The following CTNNA2 variants were observed in gnomAD, a reference collection of about 807,000 sequenced individuals.
CTNNA2 encodes the protein catenin alpha-2.
Under a neutral mutation model 101.0 loss-of-function variants are expected in CTNNA2, and 42 were observed. The observed-to-expected ratio is 0.42, with a 90% CI of 0.32 to 0.54. CTNNA2 has a LOEUF of 0.54. Ranked by LOEUF, CTNNA2 falls within the 20% of genes least tolerant of loss-of-function variation. The pLI, the probability that CTNNA2 is intolerant of heterozygous loss-of-function variation, is 0.14. For synonymous variants in CTNNA2, 450 were observed against 456.4 expected (o/e 0.99, Z 0.18); for missense variants, 871 against 1,223.1 (o/e 0.71, Z 4.29).
intron 8 of CTNNA2, among the ~76,000 whole-genome samples, chr2:80,414,473 G>A (rs556721310): frequency 9.9e-5 from 15 of 151,836 alleles, no homozygotes; most frequent in South Asian, 4.2e-4. Flanking sequence ...TTTTGTTTTC[G>A]GGTCAGTATC....
At chr2:79,687,826 G>A in intron 2 of CTNNA2, 1 of 428,042 alleles carries the variant, frequency 2.3e-6, no homozygotes, top group Non-Finnish European at 4.1e-6. Flanking sequence ...TAGGGTTTCT[G>A]GCAAGCCCTG....
chr2:80,138,376 C>T (rs1702813794), intron 7 of CTNNA2, among the ~76,000 whole-genome samples: 1 of 152,116 alleles, frequency 6.6e-6, no homozygotes, highest in East Asian at 1.9e-4. Context: ...CCTATCTATG[C>T]CTTGGTTTCT....
In CTNNA2 at chr2:80,598,132, A is replaced by G. The variant is rs191605033; in HGVS notation, c.2190-5942A>G. 7.1e-3 allele frequency among the ~76,000 whole-genome samples: 1,080 copies of G among 152,352 alleles called. 5 individuals carry two copies. The highest frequency in any genetic ancestry group is 0.024 in the South Asian group (115 of 4,822). On this transcript the variant is annotated intron_variant, in intron 15 of 18. Coordinates refer to ENST00000402739, the MANE Select transcript of CTNNA2 (RefSeq NM_001282597.3). Reference sequence around the variant, plus strand: ...CATGGAATAGTATCCAGCCATAAAGAAGAATGAGATCATATTAATTGCAGG... The same window carrying G: ...CATGGAATAGTATCCAGCCATAAAGGAGAATGAGATCATATTAATTGCAGG...
At chr2:80,493,698 A>G (rs1687233162) in intron 9 of CTNNA2, among the ~76,000 whole-genome samples, 1 of 152,178 alleles carries the variant, frequency 6.6e-6, no homozygotes, top group Admixed American at 6.5e-5. Flanking sequence ...CTGTTTGCAT[A>G]TCTGTCCTCT....
chr2:79,706,273 C>G (rs11682042), intron 2 of CTNNA2, among the ~76,000 whole-genome samples: 22,838 of 145,086 alleles, frequency 0.16, 2,143 homozygotes, highest in Admixed American at 0.26. Context: ...TGAGGCGGGA[C>G]AATGGCGTGA....
intron 1 of CTNNA2, among the ~76,000 whole-genome samples, chr2:79,531,355 T>C (rs1558704009): frequency 6.6e-6 from 1 of 151,908 alleles, no homozygotes; most frequent in East Asian, 1.9e-4. Context: ...TTTTAAATTC[T>C]TACTTTGAAT....
At chr2:80,644,105 G>T (rs1673794189) in intron 18 of CTNNA2, among the ~76,000 whole-genome samples, 1 of 152,118 alleles carries the variant, frequency 6.6e-6, no homozygotes, top group African/African-American at 2.4e-5. Flanking sequence ...GCTCCATGGT[G>T]GGGTTCAGAT....
At chr2:80,171,944 C>T (rs1464090664) in intron 7 of CTNNA2, among the ~76,000 whole-genome samples, 1 of 152,134 alleles carries the variant, frequency 6.6e-6, no homozygotes, top group African/African-American at 2.4e-5. Flanking sequence ...TACTAAAATG[C>T]TTTGTGTATT....
intron 4 of CTNNA2, among the ~76,000 whole-genome samples, chr2:79,501,682 G>A (rs1413997337): frequency 1.3e-5 from 2 of 152,160 alleles, no homozygotes; most frequent in African/African-American, 4.8e-5. Flanking sequence ...CTCATTTATT[G>A]TAGTTTCAGG....
chr2:79,269,825 C>A (rs73938158), intron 2 of CTNNA2, among the ~76,000 whole-genome samples: 4 of 152,096 alleles, frequency 2.6e-5, no homozygotes, highest in Admixed American at 6.6e-5. Flanking sequence ...TTCATACTAA[C>A]TTCCCCTGGA....
chr2:80,040,606 C>A (rs1011068185), intron 7 of CTNNA2, among the ~76,000 whole-genome samples: 1 of 152,086 alleles, frequency 6.6e-6, no homozygotes, highest in African/African-American at 2.4e-5. Flanking sequence ...AAATAAAAAA[C>A]AAAAATAAAA....
intron 2 of CTNNA2, among the ~76,000 whole-genome samples, chr2:79,663,937 C>G (rs941721993): frequency 8.5e-5 from 13 of 152,134 alleles, no homozygotes. Flanking sequence ...TCGTTTTCTT[C>G]TAAAGTTAGC....
chr2:79,693,046 A>T (rs1684420264), intron 2 of CTNNA2, among the ~76,000 whole-genome samples: 7 of 151,940 alleles, frequency 4.6e-5, no homozygotes, highest in Admixed American at 4.6e-4. Context: ...TTAAAAAAAT[A>T]AAGCTATATA....
intron 4 of CTNNA2, among the ~76,000 whole-genome samples, chr2:79,467,718 A>C (rs1433471590): frequency 6.6e-6 from 1 of 152,198 alleles, no homozygotes; most frequent in Non-Finnish European, 1.5e-5. Flanking sequence ...GTAGGGGCCA[A>C]TATTCAACAT....
intron 7 of CTNNA2, among the ~76,000 whole-genome samples, chr2:80,340,502 G>T (rs114847511): frequency 3.3e-4 from 50 of 152,124 alleles, no homozygotes; most frequent in African/African-American, 1.2e-3. Context: ...TACTAGATTG[G>T]GAAGAATTGA....
chr2:80,199,624 G>T (rs1707078082), intron 7 of CTNNA2, among the ~76,000 whole-genome samples: 2 of 152,176 alleles, frequency 1.3e-5, no homozygotes, highest in South Asian at 4.1e-4. Flanking sequence ...GAAAGGCAGA[G>T]AAAAATATTT....
At chr2:80,635,980 T>TTC (rs1672835437) in intron 18 of CTNNA2, among the ~76,000 whole-genome samples, 1 of 151,230 alleles carries the variant, frequency 6.6e-6, no homozygotes, top group Non-Finnish European at 1.5e-5. Flanking sequence ...GCTTTTTTTT[T>TTC]TTTTTTTTTT....
chr2:79,667,092 C>T (rs73938776), intron 2 of CTNNA2, among the ~76,000 whole-genome samples: 27,686 of 152,224 alleles, frequency 0.18, 2,886 homozygotes, highest in East Asian at 0.45. Context: ...CTGGGTTCTT[C>T]AAAGTCATCG....
intron 3 of CTNNA2, among the ~76,000 whole-genome samples, chr2:79,801,581 T>TA (rs1157425111): frequency 8.5e-6 from 1 of 117,802 alleles, no homozygotes; most frequent in East Asian, 3.5e-4. Context: ...TAGCAGTGCA[T>TA]ACGGGGGCTC....
Sources: allele counts gnomAD v4.1 joint callset (sites outside exome capture counted in the v4.1 genomes callset), GRCh38; gene constraint gnomAD v4.1.1; transcripts MANE v1.5; gene names NCBI Gene and HGNC (gene_info 2026-07-23, HGNC 2026-07-21).